The following BLVRA variants were observed in gnomAD, a reference collection of about 807,000 sequenced individuals.
BLVRA encodes biliverdin reductase A, also known as BVR A.
Under a neutral mutation model 32.8 loss-of-function variants are expected in BLVRA, and 22 were observed. The ratio of observed to expected loss-of-function variants is 0.67; its 90% CI spans 0.48 to 0.96. BLVRA has a LOEUF of 0.96. Ranked by LOEUF, BLVRA falls within the 40% of genes least tolerant of loss-of-function variation. The probability of loss-of-function intolerance (pLI) is 0.00; values close to 1 mark genes in which losing one functional copy is unlikely to be tolerated. For synonymous variants in BLVRA, 119 were observed against 141.3 expected (o/e 0.84, Z 1.12); for missense variants, 323 against 358.1 (o/e 0.90, Z 0.79).
In BLVRA at chr7:43,807,284, T is replaced by C. The variant is rs778768210; in HGVS notation, c.*49T>C. On this transcript the variant is annotated 3_prime_UTR_variant, in exon 8 of 8. Transcript: ENST00000265523. ...CCAAGATGGCACCAGCATTTGGTTC[T>C]TCTCAAGAGTTGACCATTATCTCTA... 3.1e-6 allele frequency: 5 copies of C among 1,597,948 alleles called. No individual in the cohort carries two copies. The highest frequency in any genetic ancestry group is 4.2e-6 in the Non-Finnish European group (5 of 1,178,310).
At chr7:43,770,960 A>C (rs963047674) in intron 1 of BLVRA, among the ~76,000 whole-genome samples, 178 bp from the exon 2 acceptor site, 1 of 152,180 alleles carries the variant, frequency 6.6e-6, no homozygotes, top group Non-Finnish European at 1.5e-5. Flanking sequence ...CACCAGCCCC[A>C]AAGTAGACAC....
chr7:43,776,337 TTG>T (rs1362714032), intron 2 of BLVRA, among the ~76,000 whole-genome samples: 2 of 152,236 alleles, frequency 1.3e-5, no homozygotes, highest in Non-Finnish European at 2.9e-5. Context: ...TTCTGGTATG[TTG>T]TGTCTTTATT....
At chr7:43,797,442 A>G (rs2095794026) in intron 5 of BLVRA, among the ~76,000 whole-genome samples, 1 of 152,262 alleles carries the variant, frequency 6.6e-6, no homozygotes, top group African/African-American at 2.4e-5. Context: ...ACATAGTGTT[A>G]TCACATACTT....
intron 2 of BLVRA, among the ~76,000 whole-genome samples, chr7:43,774,064 G>C (rs1032193057): frequency 1.7e-4 from 26 of 152,082 alleles, no homozygotes; most frequent in Admixed American, 1.3e-3. Flanking sequence ...AGTAGGTTGG[G>C]AAAATTTTCT....
At position 43,771,170 on chromosome 7, in the gene BLVRA, G is replaced by C. The variant is rs1351641892; in HGVS notation, c.12G>C (p.Glu4Asp). 1.2e-6 allele frequency: 2 copies of C among 1,613,916 alleles called. No individual in the cohort carries two copies. The highest frequency in any genetic ancestry group is 1.7e-6 in the Non-Finnish European group (2 of 1,179,778). MNAEPERKFGVVVV... is the reference protein window; with the variant it reads MNADPERKFGVVVV... ...AGGAAGAGACCAAGATGAATGCAGA[G>C]GTGAGTTCTTTACAAAGACCAGTTT... Residue 4 changes from glutamate to aspartate, a missense_variant and splice_region_variant, in exon 2 of 8, where the codon GAG (glutamate) becomes GAC (aspartate). Coordinates refer to ENST00000265523, the MANE Select transcript of BLVRA (RefSeq NM_000712.4).
At chr7:43,794,797 A>G (rs2095789928) in intron 5 of BLVRA, among the ~76,000 whole-genome samples, 1 of 152,222 alleles carries the variant, frequency 6.6e-6, no homozygotes, top group Non-Finnish European at 1.5e-5. Flanking sequence ...AATACAAACT[A>G]TGTTAATGGA....
At chr7:43,758,413 G>A (rs537488217), upstream of BLVRA, among the ~76,000 whole-genome samples, 38 of 152,198 alleles carry the variant, frequency 2.5e-4, 1 homozygote, top group East Asian at 7.2e-3. Flanking sequence ...TACGCCCTCC[G>A]GTCGGCCGGC....
intron 3 of BLVRA, among the ~76,000 whole-genome samples, chr7:43,788,654 A>G (rs2095781396): frequency 6.6e-6 from 1 of 152,040 alleles, no homozygotes; most frequent in Non-Finnish European, 1.5e-5. Flanking sequence ...CTGTCACCCA[A>G]GCTGCAGCGC....
intron 7 of BLVRA, among the ~76,000 whole-genome samples, chr7:43,804,396 A>G (rs2095801977): frequency 1.3e-5 from 2 of 152,198 alleles, no homozygotes; most frequent in Admixed American, 1.3e-4. Context: ...AGCTGAGATC[A>G]GGCCACTGCA....
chr7:43,798,515 A>C (rs1162846369), intron 5 of BLVRA, among the ~76,000 whole-genome samples: 1 of 152,004 alleles, frequency 6.6e-6, no homozygotes, highest in Non-Finnish European at 1.5e-5. Flanking sequence ...TTTATTATTC[A>C]TATTGATGTC....
intron 1 of BLVRA, among the ~76,000 whole-genome samples, chr7:43,765,296 A>T (rs746877781): frequency 6.6e-6 from 1 of 152,126 alleles, no homozygotes; most frequent in African/African-American, 2.4e-5. Flanking sequence ...CTGTTGCCCA[A>T]GCTGGAGTGC....
At chr7:43,764,769 A>C (rs2095745924) in intron 1 of BLVRA, among the ~76,000 whole-genome samples, 2 of 141,836 alleles carry the variant, frequency 1.4e-5, no homozygotes, top group Admixed American at 7.0e-5. Flanking sequence ...AGAACCCCCC[A>C]CCCCCCGCAA....
chr7:43,794,229 C>CAAAAAT (rs1442895047), intron 5 of BLVRA, among the ~76,000 whole-genome samples: 1 of 151,844 alleles, frequency 6.6e-6, no homozygotes, highest in African/African-American at 2.4e-5. Flanking sequence ...GACCCTGTCT[C>CAAAAAT]AAAAATAAAA....
intron 1 of BLVRA, among the ~76,000 whole-genome samples, chr7:43,762,715 A>G (rs2095743777): frequency 6.7e-6 from 1 of 149,990 alleles, no homozygotes; most frequent in Non-Finnish European, 1.5e-5. Flanking sequence ...AGGTTCGAGC[A>G]ATTCTCCTGC....
chr7:43,773,809 T>C (rs2095757341), intron 2 of BLVRA, among the ~76,000 whole-genome samples: 1 of 152,232 alleles, frequency 6.6e-6, no homozygotes. Flanking sequence ...TGTTGTTTCC[T>C]GACTTTTTAA....
intron 1 of BLVRA, chr7:43,759,983 A>G (rs1473634272): frequency 1.6e-5 from 2 of 128,734 alleles, no homozygotes; most frequent in Admixed American, 9.3e-5. Context: ...CACATTTCAT[A>G]TGTAATTTTT....
chr7:43,785,486 C>T (rs2095776271), intron 2 of BLVRA, among the ~76,000 whole-genome samples: 1 of 152,178 alleles, frequency 6.6e-6, no homozygotes, highest in Non-Finnish European at 1.5e-5. Flanking sequence ...CTCCCAGAGT[C>T]CCCTTTTATA....
chr7:43,779,312 G>C (rs1433952259), intron 2 of BLVRA, among the ~76,000 whole-genome samples: 1 of 152,150 alleles, frequency 6.6e-6, no homozygotes, highest in East Asian at 1.9e-4. Context: ...CTCATCCCCT[G>C]CAAGGCAGGC....
chr7:43,806,848 G>C, intron 7 of BLVRA, 129 bp from the exon 8 acceptor site: 4 of 1,005,704 alleles, frequency 4.0e-6, no homozygotes, highest in Non-Finnish European at 6.2e-6. Flanking sequence ...CAGCCTCTGG[G>C]AGGCTGGTGG....
Sources: allele counts gnomAD v4.1 joint callset (sites outside exome capture counted in the v4.1 genomes callset), GRCh38; gene constraint gnomAD v4.1.1; transcripts MANE v1.5; gene names NCBI Gene and HGNC (gene_info 2026-07-23, HGNC 2026-07-21).